Variants in ARHGAP15 observed in about 807,000 individuals in gnomAD.
The protein encoded by ARHGAP15 is Rho GTPase activating protein 15.
Under a neutral mutation model 63.7 loss-of-function variants are expected in ARHGAP15, and 51 were observed. That is an observed-to-expected ratio of 0.80 (90% CI 0.64 to 1.01). The LOEUF is 1.01. Among genes scored for constraint, ARHGAP15 ranks in the 50% least tolerant of loss-of-function variants. The pLI, the probability that ARHGAP15 is intolerant of heterozygous loss-of-function variation, is 0.00. For synonymous variants in ARHGAP15, 191 were observed against 193.8 expected, an observed-to-expected ratio of 0.99 and a Z score of 0.12; for missense variants, 560 against 564.6, an observed-to-expected ratio of 0.99 and a Z score of 0.08.
chr2:143,443,815 C>T (rs1386365686), intron 8 of ARHGAP15, among the ~76,000 whole-genome samples: 1 of 152,172 alleles, frequency 6.6e-6, no homozygotes, highest in Non-Finnish European at 1.5e-5. Flanking sequence ...CACTATGGCC[C>T]TGTGTGACTC....
intron 11 of ARHGAP15, among the ~76,000 whole-genome samples, chr2:143,598,297 G>A (rs987655126): frequency 3.9e-5 from 6 of 152,226 alleles, no homozygotes; most frequent in African/African-American, 2.4e-5. Flanking sequence ...GTCTAGATAC[G>A]GATCAAATCT....
At chr2:143,574,290 G>C (rs1447668211) in intron 11 of ARHGAP15, among the ~76,000 whole-genome samples, 1 of 151,974 alleles carries the variant, frequency 6.6e-6, no homozygotes, top group African/African-American at 2.4e-5. Context: ...GACTACCCAA[G>C]TTTCCAATAT....
intron 13 of ARHGAP15, among the ~76,000 whole-genome samples, chr2:143,734,095 C>T (rs1574907843): frequency 6.6e-6 from 1 of 152,290 alleles, no homozygotes; most frequent in East Asian, 1.9e-4. Flanking sequence ...AGGTGAGGGC[C>T]TTCCCTACCT....
chr2:143,407,071 A>C (rs554455144), intron 6 of ARHGAP15, among the ~76,000 whole-genome samples: 1 of 151,964 alleles, frequency 6.6e-6, no homozygotes, highest in African/African-American at 2.4e-5. Context: ...TGAAAAATAG[A>C]AATATTTGGG....
intron 6 of ARHGAP15, among the ~76,000 whole-genome samples, chr2:143,400,448 A>G (rs1225697674): frequency 1.3e-5 from 2 of 151,930 alleles, no homozygotes; most frequent in Non-Finnish European, 2.9e-5. Context: ...TTTTCACCAG[A>G]GTTTTGAGGT....
chr2:143,534,453 T>G (rs979396532), intron 10 of ARHGAP15, among the ~76,000 whole-genome samples: 13 of 151,790 alleles, frequency 8.6e-5, no homozygotes, highest in Non-Finnish European at 1.6e-4. Flanking sequence ...TGCAGGAGAG[T>G]GATACGGTGA....
At chr2:143,367,666 A>G (rs1013064431) in intron 6 of ARHGAP15, among the ~76,000 whole-genome samples, 1 of 151,366 alleles carries the variant, frequency 6.6e-6, no homozygotes, top group South Asian at 2.1e-4. Flanking sequence ...CATTTTTCTC[A>G]TATGTTTTGG....
At chr2:143,355,067 T>C (rs932655058) in intron 6 of ARHGAP15, among the ~76,000 whole-genome samples, 1 of 152,206 alleles carries the variant, frequency 6.6e-6, no homozygotes, top group African/African-American at 2.4e-5. Flanking sequence ...TGGCTATAAC[T>C]TTTAACAACT....
chr2:143,210,839 C>G (rs1043022886), intron 3 of ARHGAP15, among the ~76,000 whole-genome samples: 1 of 152,104 alleles, frequency 6.6e-6, no homozygotes, highest in Admixed American at 6.6e-5. Context: ...TTTTCTTCTA[C>G]TCTTCTTCAC....
chr2:143,706,640 T>C (rs190631120), intron 13 of ARHGAP15: 1 of 152,312 alleles, frequency 6.6e-6, no homozygotes, highest in East Asian at 1.9e-4. Context: ...ATTGTGATTA[T>C]ATTAAGCATA....
chr2:143,701,909 G>T (rs1051134258), intron 12 of ARHGAP15, among the ~76,000 whole-genome samples: 2 of 152,118 alleles, frequency 1.3e-5, no homozygotes, highest in African/African-American at 2.4e-5. Context: ...AAGGTACACA[G>T]GCTAAAAGCT....
chr2:143,671,378 G>C (rs1223155556), intron 12 of ARHGAP15, among the ~76,000 whole-genome samples: 1 of 151,996 alleles, frequency 6.6e-6, no homozygotes. Flanking sequence ...GGCTCTTTTT[G>C]ACACATCAGA....
chr2:143,182,319 G>A (rs1292860035), intron 2 of ARHGAP15, among the ~76,000 whole-genome samples: 4 of 152,122 alleles, frequency 2.6e-5, no homozygotes, highest in African/African-American at 9.7e-5. Context: ...TTTTAATACT[G>A]TGGTATCTCA....
At chr2:143,147,609 T>G (rs1689642668) in intron 1 of ARHGAP15, among the ~76,000 whole-genome samples, 1 of 152,052 alleles carries the variant, frequency 6.6e-6, no homozygotes, top group Non-Finnish European at 1.5e-5. Flanking sequence ...TCCACTAATC[T>G]TAACTTTATT....
chr2:143,681,597 A>C (rs1400404533), intron 12 of ARHGAP15, among the ~76,000 whole-genome samples: 1 of 152,230 alleles, frequency 6.6e-6, no homozygotes, highest in Non-Finnish European at 1.5e-5. Context: ...TGTGGTAAGC[A>C]TAGCGACCAT....
chr2:143,437,802 G>A (rs1689680360), intron 8 of ARHGAP15, among the ~76,000 whole-genome samples: 1 of 152,070 alleles, frequency 6.6e-6, no homozygotes, highest in Admixed American at 6.6e-5. Context: ...GAGGTGGGTG[G>A]ATCACGAGGT....
chr2:143,597,716 G>T (rs1697578471), intron 11 of ARHGAP15, among the ~76,000 whole-genome samples: 2 of 151,994 alleles, frequency 1.3e-5, no homozygotes. Flanking sequence ...GTTTCTTAAG[G>T]TCTGTAGTAA....
At chr2:143,293,592 C>CAGAGGATAGA (rs1450423280) in intron 6 of ARHGAP15, among the ~76,000 whole-genome samples, 1 of 152,006 alleles carries the variant, frequency 6.6e-6, no homozygotes, top group African/African-American at 2.4e-5. Flanking sequence ...ACTTTGGTGT[C>CAGAGGATAGA]TTAAACCACA....
intron 6 of ARHGAP15, among the ~76,000 whole-genome samples, chr2:143,385,728 CG>C (rs1439777739): frequency 6.6e-6 from 1 of 152,022 alleles, no homozygotes. Context: ...TATTGTTCTC[CG>C]AAACTAAAGC....
Sources: allele counts gnomAD v4.1 joint callset (sites outside exome capture counted in the v4.1 genomes callset), GRCh38; gene constraint gnomAD v4.1.1; transcripts MANE v1.5; gene names NCBI Gene and HGNC (gene_info 2026-07-23, HGNC 2026-07-21).